The following NRG1 variants were observed in gnomAD, a reference collection of about 807,000 sequenced individuals.
NRG1 encodes pro-neuregulin-1, membrane-bound isoform.
NRG1 carries 18 observed loss-of-function variants against 63.8 expected under a neutral mutation model. The ratio of observed to expected loss-of-function variants is 0.28; its 90% CI spans 0.19 to 0.42. NRG1 has a LOEUF of 0.42. NRG1 is among the 10% of genes least tolerant of loss of function. The pLI is 1.00. For synonymous variants in NRG1, 302 were observed against 301.3 expected (o/e 1.00, Z -0.02); for missense variants, 762 against 814.7 (o/e 0.94, Z 0.79).
chr8:32,237,996 A>G (rs112349652), intron 1 of NRG1, among the ~76,000 whole-genome samples: 2 of 152,346 alleles, frequency 1.3e-5, no homozygotes, highest in African/African-American at 4.8e-5. Flanking sequence ...TTTGCAAACA[A>G]ATACAGCAAT....
chr8:32,412,439 T>TATATATAC (rs1815179128), intron 1 of NRG1, among the ~76,000 whole-genome samples: 2 of 45,534 alleles, frequency 4.4e-5, no homozygotes, highest in East Asian at 8.8e-4. Context: ...TATATATATA[T>TATATATAC]ATATATATAT....
At chr8:31,962,566 T>C (rs1161014740) in intron 1 of NRG1, among the ~76,000 whole-genome samples, 1 of 152,184 alleles carries the variant, frequency 6.6e-6, no homozygotes, top group Admixed American at 6.5e-5. Context: ...ATGACCTATA[T>C]GGGACCTTCA....
intron 1 of NRG1, among the ~76,000 whole-genome samples, chr8:32,258,686 T>G (rs996824720): frequency 2.0e-5 from 3 of 152,134 alleles, no homozygotes; most frequent in African/African-American, 7.2e-5. Flanking sequence ...TCGTGAGAAC[T>G]CACTCACTAT....
At chr8:32,169,244 C>G (rs1431148121) in intron 1 of NRG1, among the ~76,000 whole-genome samples, 1 of 152,160 alleles carries the variant, frequency 6.6e-6, no homozygotes, top group Non-Finnish European at 1.5e-5. Context: ...AGACATCCTG[C>G]TTTCTCTGTC....
intron 1 of NRG1, among the ~76,000 whole-genome samples, chr8:32,131,166 A>G (rs1834768780): frequency 6.6e-6 from 1 of 151,998 alleles, no homozygotes; most frequent in African/African-American, 2.4e-5. Flanking sequence ...GGGACTTACT[A>G]AGTGTATTTG....
At chr8:32,649,603 A>G (rs1232584151) in intron 5 of NRG1, among the ~76,000 whole-genome samples, 2 of 152,192 alleles carry the variant, frequency 1.3e-5, no homozygotes, top group Non-Finnish European at 2.9e-5. Context: ...TCCAGACATC[A>G]TGTTCAGTGT....
intron 1 of NRG1, among the ~76,000 whole-genome samples, chr8:31,661,138 G>C (rs958058485): frequency 1.3e-5 from 2 of 152,086 alleles, no homozygotes; most frequent in Non-Finnish European, 2.9e-5. Context: ...TTGCTGGACA[G>C]GGTATTTTAA....
At position 32,686,891 on chromosome 8, in the gene NRG1, C is replaced by T. The variant is rs1446915324; in HGVS notation, c.503-41058C>T. The stretch of plus-strand genomic sequence containing the variant: ...ATTTGGTATTAATGATACAGCGATA[C>T]CACAAAGCACAGGAGGTGTAGCCTG... On this transcript the variant is annotated intron_variant, in intron 5 of 11. Coordinates refer to ENST00000356819, the Ensembl canonical transcript of NRG1. Among the ~76,000 whole-genome samples the T allele has an allele frequency of 3.3e-5, 5 of 152,118 alleles. No individual in the cohort carries two copies. The East Asian group carries it at 9.6e-4, about 29-fold the overall frequency.
Position 31,663,226 on chromosome 8 carries a change from T to G in NRG1, c.37+23795T>G, listed in dbSNP as rs6991919. On this transcript the variant is annotated intron_variant, in intron 1 of 10. Coordinates refer to the NRG1 transcript ENST00000519301. ...GAAAAGTAGGAAACCTCATTTAGCTTTTGTGCCTAAACTTTGTATACCCAA... is the reference window on the plus strand; with the variant it reads ...GAAAAGTAGGAAACCTCATTTAGCTGTTGTGCCTAAACTTTGTATACCCAA... Among the ~76,000 whole-genome samples the G allele has an allele frequency of 1.6e-3, 249 of 152,294 alleles. 3 individuals are homozygous for G. Among genetic ancestry groups the G allele is most frequent in the African/African-American group, 5.7e-3 (238 of 41,568 alleles).
intron 1 of NRG1, among the ~76,000 whole-genome samples, chr8:31,824,843 G>A (rs928375717): frequency 6.6e-6 from 1 of 152,162 alleles, no homozygotes; most frequent in Non-Finnish European, 1.5e-5. Context: ...TGAACATTAG[G>A]AAGATTGATT....
chr8:31,835,432 G>T (rs965079665), intron 1 of NRG1, among the ~76,000 whole-genome samples: 1 of 152,128 alleles, frequency 6.6e-6, no homozygotes, highest in Non-Finnish European at 1.5e-5. Flanking sequence ...TAGTAATAAC[G>T]TTCAGCCTCA....
intron 1 of NRG1, among the ~76,000 whole-genome samples, chr8:31,642,856 G>A (rs2130837997): frequency 6.6e-6 from 1 of 152,270 alleles, no homozygotes; most frequent in East Asian, 1.9e-4. Flanking sequence ...CATGCTAAAA[G>A]TTTCTCCTCG....
chr8:32,037,910 G>C (rs1305289693), intron 1 of NRG1, among the ~76,000 whole-genome samples: 3 of 152,220 alleles, frequency 2.0e-5, no homozygotes, highest in Non-Finnish European at 4.4e-5. Context: ...GTTTCAGTTT[G>C]TAGGGTTCCA....
At chr8:31,824,867 C>G (rs535941847) in intron 1 of NRG1, among the ~76,000 whole-genome samples, 41 of 152,204 alleles carry the variant, frequency 2.7e-4, no homozygotes, top group African/African-American at 7.7e-4. Context: ...TTAAAAAATC[C>G]ACTTCTACAC....
intron 1 of NRG1, among the ~76,000 whole-genome samples, chr8:31,822,395 A>AG (rs1212676742): frequency 6.6e-6 from 1 of 152,094 alleles, no homozygotes; most frequent in Non-Finnish European, 1.5e-5. Flanking sequence ...ACACTAGCCT[A>AG]GGTAAGAGAG....
intron 1 of NRG1, among the ~76,000 whole-genome samples, chr8:31,914,934 C>T (rs1238208723): frequency 6.6e-6 from 1 of 151,786 alleles, no homozygotes; most frequent in South Asian, 2.1e-4. Context: ...TTTGCTCTTC[C>T]CCAGAGTCAC....
intron 1 of NRG1, among the ~76,000 whole-genome samples, chr8:32,570,065 G>A (rs951048999): frequency 6.6e-6 from 1 of 151,686 alleles, no homozygotes; most frequent in East Asian, 1.9e-4. Flanking sequence ...ACACCATCAC[G>A]CCTGGCTAAT....
intron 1 of NRG1, among the ~76,000 whole-genome samples, chr8:32,480,217 A>G (rs1466901655): frequency 6.6e-6 from 1 of 152,140 alleles, no homozygotes; most frequent in Non-Finnish European, 1.5e-5. Context: ...GCAATTTGTA[A>G]TGATCTCACC....
intron 5 of NRG1, among the ~76,000 whole-genome samples, chr8:32,698,558 A>G (rs1393703082): frequency 6.6e-6 from 1 of 152,200 alleles, no homozygotes; most frequent in Non-Finnish European, 1.5e-5. Context: ...GGCTCATGAA[A>G]GAGGCGTGAG....
Sources: allele counts gnomAD v4.1 joint callset (sites outside exome capture counted in the v4.1 genomes callset), GRCh38; gene constraint gnomAD v4.1.1; transcripts MANE v1.5; gene names NCBI Gene and HGNC (gene_info 2026-07-23, HGNC 2026-07-21).